Variants in CTSB observed in about 807,000 individuals in gnomAD.
CTSB encodes cathepsin B.
CTSB carries 57 observed loss-of-function variants against 44.3 expected under a neutral mutation model. The ratio of observed to expected loss-of-function variants is 1.29; its 90% CI spans 1.04 to 1.60. The LOEUF (loss-of-function observed/expected upper bound fraction) is 1.60. CTSB is among the 40% of genes most tolerant of loss of function. The pLI is 0.00. For synonymous variants in CTSB, 320 were observed against 168.0 expected (o/e 1.91, Z -7.00); for missense variants, 768 against 443.0 (o/e 1.73, Z -6.59).
chr8:11,844,951 A>G lies in CTSB; in HGVS notation c.*174T>C. 1 of 608,528 alleles carries G rather than the reference A, an allele frequency of 1.6e-6. No individual in the cohort carries two copies. 37.7% of individuals were successfully genotyped at this position (608,528 alleles called of 1,614,324 possible). On this transcript the variant is annotated 3_prime_UTR_variant, in exon 10 of 10. Coordinates refer to ENST00000353047, the MANE Select transcript of CTSB (RefSeq NM_001908.5). ...GCTCACATGGCCTGTCTGCACTGTA[A>G]CCACAGGCTGGGATGTAGCCAGGAC...
intron 1 of CTSB, chr8:11,862,223 A>C (rs576117512): frequency 6.6e-6 from 1 of 151,694 alleles, no homozygotes; most frequent in African/African-American, 2.4e-5. Context: ...AAAAAAAAAA[A>C]GAAAGGCCTA....
intron 7 of CTSB, 46 bp downstream of exon 7, chr8:11,847,633 C>T (rs375655072): frequency 1.3e-6 from 2 of 1,496,552 alleles, no homozygotes; most frequent in South Asian, 2.8e-5. Flanking sequence ...GATGCAGCAG[C>T]TCCCCAGCCT....
At chr8:11,866,917 G>A (rs1049111544) in intron 1 of CTSB, among the ~76,000 whole-genome samples, 1 of 152,174 alleles carries the variant, frequency 6.6e-6, no homozygotes, top group Non-Finnish European at 1.5e-5. Context: ...GTGCATCTCA[G>A]CTATCCTCTC....
At chr8:11,853,168 G>A (rs982131823) in intron 2 of CTSB, among the ~76,000 whole-genome samples, 161 bp downstream of exon 2, 1 of 151,942 alleles carries the variant, frequency 6.6e-6, no homozygotes, top group Non-Finnish European at 1.5e-5. Context: ...AAGGAGGGAG[G>A]CGTGGTCCAG....
At chr8:11,853,195 G>A in intron 2 of CTSB, 134 bp downstream of exon 2, 1 of 1,264,386 alleles carries the variant, frequency 7.9e-7, no homozygotes, top group East Asian at 2.4e-5. Context: ...CATGACTCAG[G>A]GTCAGGGCCA....
At chr8:11,861,074 A>C (rs1041657638) in intron 1 of CTSB, among the ~76,000 whole-genome samples, 11 of 152,182 alleles carry the variant, frequency 7.2e-5, no homozygotes, top group African/African-American at 2.7e-4. Context: ...CTTTGCCCCT[A>C]ATGGAACTGT....
intron 1 of CTSB, among the ~76,000 whole-genome samples, chr8:11,857,060 G>A (rs1389485492): frequency 1.3e-5 from 2 of 152,154 alleles, no homozygotes; most frequent in Non-Finnish European, 2.9e-5. Context: ...GTCTCGCTCT[G>A]TGGCACATGC....
chr8:11,847,058 T>C lies in CTSB; in HGVS notation c.787A>G (p.Lys263Glu). 1 of 1,586,232 alleles carries C rather than the reference T, an allele frequency of 6.3e-7. No homozygotes were observed. The highest frequency in any genetic ancestry group is 8.7e-7 in the Non-Finnish European group (1 of 1,154,766). The part of the protein sequence containing the change: ...FSVYSDFLLY[K>E]SGVYQHVTGE... ...ATCAGCCATCAGCACGCACCTGACT[T>C]GTAGAGCAGGAAGTCCGAATACACA... The change falls in exon 8 of 10, where the codon AAG becomes GAG. Residue 263 changes from lysine (K) to glutamate (E), a missense_variant. Lys to Glu is a moderately conservative substitution (Grantham distance 56). Transcript: ENST00000353047.
chr8:11,845,961 T>C (rs1813246193), intron 8 of CTSB, among the ~76,000 whole-genome samples, 172 bp from the exon 9 acceptor site: 1 of 152,240 alleles, frequency 6.6e-6, no homozygotes, highest in South Asian at 2.1e-4. Flanking sequence ...GAATTAAATA[T>C]ATTTTTGAAG....
chr8:11,845,463 G>A (rs978601693), intron 9 of CTSB, among the ~76,000 whole-genome samples, 198 bp downstream of exon 9: 4 of 152,192 alleles, frequency 2.6e-5, no homozygotes, highest in Non-Finnish European at 4.4e-5. Context: ...TGTTGCAGGC[G>A]TTGGCTCTGA....
At chr8:11,865,219 T>C (rs779997981) in intron 1 of CTSB, among the ~76,000 whole-genome samples, 1 of 152,116 alleles carries the variant, frequency 6.6e-6, no homozygotes. Context: ...ACCGCACATG[T>C]TTCCAATAAT....
chr8:11,849,824 G>A (rs1315708058), intron 4 of CTSB, among the ~76,000 whole-genome samples: 3 of 151,984 alleles, frequency 2.0e-5, no homozygotes, highest in South Asian at 4.2e-4. Context: ...CAGGTGATCC[G>A]CCTGCCTCAG....
intron 5 of CTSB, chr8:11,848,402 A>G: frequency 4.7e-6 from 3 of 633,838 alleles, no homozygotes; most frequent in Non-Finnish European, 8.8e-6. Flanking sequence ...TCTCCTGTTC[A>G]TGTCCATACC....
At chr8:11,850,810 C>G (rs1405303704) in intron 4 of CTSB, 56 bp downstream of exon 4, 1 of 1,299,532 alleles carries the variant, frequency 7.7e-7, no homozygotes, top group East Asian at 2.4e-5. Flanking sequence ...CCAAGACTCT[C>G]CAGTGTTGCT....
chr8:11,850,591 T>A, intron 4 of CTSB: 1 of 303,456 alleles, frequency 3.3e-6, no homozygotes, highest in Admixed American at 4.3e-5. Context: ...CTCCTGGTAT[T>A]TGCGGACGGG....
rs1431738802 is a variant in CTSB at position 11,842,944 on chromosome 8, T to TTA, written c.*2180_*2181insTA. The TTA allele has an allele frequency of 4.9e-5, 7 of 141,906 alleles. No homozygotes were observed. The highest frequency in any genetic ancestry group is 2.0e-4 in the African/African-American group (7 of 35,556). The allele number at this position is 141,906 out of a possible 1,614,324, so 8.8% of individuals were successfully genotyped here. On this transcript the variant is annotated 3_prime_UTR_variant, in exon 10 of 10. Transcript: ENST00000353047. The stretch of plus-strand genomic sequence containing the variant: ...GAGCCACTGCGCCCGGCCTTTTTTT[T>TTA]TTTTTTTTTTTTTTTAATTATTGAG...
chr8:11,860,080 A>G (rs1395592089), intron 1 of CTSB, among the ~76,000 whole-genome samples: 1 of 152,150 alleles, frequency 6.6e-6, no homozygotes, highest in African/African-American at 2.4e-5. Flanking sequence ...TCAGAGAAAA[A>G]AAAAGAAAGA....
intron 1 of CTSB, chr8:11,867,258 G>A (rs1817292458): frequency 6.6e-6 from 1 of 152,144 alleles, no homozygotes; most frequent in African/African-American, 2.4e-5. Context: ...ACTAACCGAG[G>A]GGGAGGTGGC....
rs1438806145 is a variant in CTSB at position 11,849,079 on chromosome 8, A to G, written c.413T>C (p.Leu138Pro). 3 of 1,613,408 alleles carry G rather than the reference A, an allele frequency of 1.9e-6. No homozygotes were observed. The highest frequency in any genetic ancestry group is 2.5e-6 in the Non-Finnish European group (3 of 1,179,712). ...ACACATGCTGCCACAGCATGTGAGC[A>G]GGTCCTCCGCCGACACCTCCACGCT... is the stretch of plus-strand genomic sequence containing the variant. ...HVSVEVSAED[L>P]LTCCGSMCGD... is the part of the protein sequence containing the mutation. The change falls in exon 5 of 10, where the codon CTG becomes CCG. Residue 138 changes from leucine (L) to proline (P), a missense_variant. Physicochemically the swap from Leu to Pro is moderately conservative, Grantham distance 98 (BLOSUM62 -3). Coordinates refer to ENST00000353047, the MANE Select transcript of CTSB (RefSeq NM_001908.5).
Sources: gnomAD v4.1 joint callset for allele counts (sites outside exome capture counted in the v4.1 genomes callset) on GRCh38, gnomAD v4.1.1 for gene constraint, MANE v1.5 for transcripts, NCBI Gene and HGNC (gene_info 2026-07-23, HGNC 2026-07-21) for gene names.